Variants in MAF observed in about 807,000 individuals in gnomAD.
MAF encodes transcription factor Maf.
MAF carries 10 observed loss-of-function variants against 22.0 expected under a neutral mutation model. That is an observed-to-expected ratio of 0.45 (90% CI 0.28 to 0.77). MAF has a LOEUF of 0.77. Ranked by LOEUF, MAF falls within the 30% of genes least tolerant of loss-of-function variation. The pLI, the probability that MAF is intolerant of heterozygous loss-of-function variation, is 0.12. For missense variants in MAF, 544 were observed against 548.4 expected (o/e 0.99, Z 0.08); for synonymous variants, 337 against 255.8 (o/e 1.32, Z -3.03).
At chr16:79,399,445 A>C in the MAF span, among the ~76,000 whole-genome samples, 1 of 152,214 alleles carries the variant, frequency 6.6e-6, no homozygotes, top group Non-Finnish European at 1.5e-5. Context: ...AATTGACTGC[A>C]AAGTAGAGCT....
chr16:79,430,444 C>G, the MAF span, among the ~76,000 whole-genome samples: 2 of 152,334 alleles, frequency 1.3e-5, no homozygotes, highest in Admixed American at 6.5e-5. Context: ...GACACACTCC[C>G]TGATTTAGGC....
the MAF span, among the ~76,000 whole-genome samples, chr16:79,403,926 C>T: frequency 6.6e-6 from 1 of 152,132 alleles, no homozygotes; most frequent in Non-Finnish European, 1.5e-5. Flanking sequence ...CATGGTGCTT[C>T]TCTCCTGGAA....
chr16:79,351,462 G>C, the MAF span, among the ~76,000 whole-genome samples: 3 of 152,056 alleles, frequency 2.0e-5, no homozygotes, highest in South Asian at 2.1e-4. Flanking sequence ...ATTTTGTTTT[G>C]TTTTTAGTGG....
the MAF span, among the ~76,000 whole-genome samples, chr16:79,318,433 C>A: frequency 6.6e-6 from 1 of 152,196 alleles, no homozygotes; most frequent in African/African-American, 2.4e-5. Flanking sequence ...CCTTCTGATT[C>A]TCCATCCATG....
the MAF span, among the ~76,000 whole-genome samples, chr16:79,452,063 A>G: frequency 6.6e-6 from 1 of 152,208 alleles, no homozygotes; most frequent in African/African-American, 2.4e-5. Flanking sequence ...ACTCAGCCAC[A>G]TTCATTTGTT....
At chr16:79,490,788 A>C in the MAF span, among the ~76,000 whole-genome samples, 1 of 152,214 alleles carries the variant, frequency 6.6e-6, no homozygotes, top group Non-Finnish European at 1.5e-5. Context: ...ACCATAATGC[A>C]GTGAAGGTAA....
chr16:79,569,853 G>T, the MAF span, among the ~76,000 whole-genome samples: 1 of 152,150 alleles, frequency 6.6e-6, no homozygotes, highest in African/African-American at 2.4e-5. Flanking sequence ...TCTTAGGGAG[G>T]CAGGGGTCAA....
the MAF span, among the ~76,000 whole-genome samples, chr16:79,259,398 AC>A: frequency 2.0e-5 from 3 of 152,054 alleles, no homozygotes; most frequent in Non-Finnish European, 2.9e-5. Context: ...CTGTGAAGTC[AC>A]CCCCAGTTGC....
chr16:79,557,206 C>A, the MAF span, among the ~76,000 whole-genome samples: 1 of 152,064 alleles, frequency 6.6e-6, no homozygotes, highest in South Asian at 2.1e-4. Context: ...CCAGCTACAT[C>A]TACACTTGGG....
chr16:79,501,732 C>T, the MAF span, among the ~76,000 whole-genome samples: 1 of 152,160 alleles, frequency 6.6e-6, no homozygotes, highest in Non-Finnish European at 1.5e-5. Context: ...CATTCTTCCC[C>T]CTCACCTAGA....
the MAF span, among the ~76,000 whole-genome samples, chr16:79,393,419 C>A: frequency 1.3e-5 from 2 of 152,198 alleles, no homozygotes; most frequent in South Asian, 2.1e-4. Flanking sequence ...GGCTATCCAG[C>A]GCTCTCTGCC....
chr16:79,561,708 A>C, the MAF span, among the ~76,000 whole-genome samples: 1 of 152,152 alleles, frequency 6.6e-6, no homozygotes, highest in Admixed American at 6.5e-5. Context: ...TCTTGAGGAG[A>C]AGAAGAAAAA....
the MAF span, among the ~76,000 whole-genome samples, chr16:79,327,713 G>A: frequency 2.6e-5 from 4 of 152,156 alleles, no homozygotes; most frequent in African/African-American, 9.7e-5. Flanking sequence ...TCGTACTGTC[G>A]CAGGGACTGT....
the MAF span, among the ~76,000 whole-genome samples, chr16:79,220,196 C>T: frequency 7.2e-6 from 1 of 138,390 alleles, no homozygotes; most frequent in Non-Finnish European, 1.5e-5. Flanking sequence ...GTGGAAGCTG[C>T]TGTGAGCTCA....
chr16:79,220,741 G>T, the MAF span, among the ~76,000 whole-genome samples: 1 of 152,124 alleles, frequency 6.6e-6, no homozygotes, highest in African/African-American at 2.4e-5. Flanking sequence ...TAAGGCTCTG[G>T]GTAGTTACTG....
chr16:79,474,786 T>A, the MAF span, among the ~76,000 whole-genome samples: 1 of 152,152 alleles, frequency 6.6e-6, no homozygotes, highest in Non-Finnish European at 1.5e-5. Context: ...GACCATCCCA[T>A]GTCAGGAAAT....
the MAF span, among the ~76,000 whole-genome samples, chr16:79,267,749 G>C: frequency 6.6e-6 from 1 of 152,160 alleles, no homozygotes; most frequent in African/African-American, 2.4e-5. Context: ...AGGAGTAAGG[G>C]GAGAACACAA....
At chr16:79,257,871 T>A in the MAF span, among the ~76,000 whole-genome samples, 2 of 152,164 alleles carry the variant, frequency 1.3e-5, no homozygotes, top group East Asian at 1.9e-4. Context: ...TTGAAAGGCA[T>A]AGAGATGTGT....
chr16:79,536,074 C>T, the MAF span, among the ~76,000 whole-genome samples: 1 of 152,180 alleles, frequency 6.6e-6, no homozygotes, highest in Admixed American at 6.5e-5. Context: ...AATACTTAAC[C>T]AGACAGATAA....
Sources: allele counts gnomAD v4.1 joint callset (sites outside exome capture counted in the v4.1 genomes callset), GRCh38; gene constraint gnomAD v4.1.1; transcripts MANE v1.5; gene names NCBI Gene and HGNC (gene_info 2026-07-23, HGNC 2026-07-21).